Variants in FKBP5 observed in about 807,000 individuals in gnomAD.
FKBP5 encodes the protein FKBP prolyl isomerase 5.
Under a neutral mutation model 50.5 loss-of-function variants are expected in FKBP5, and 23 were observed. The observed-to-expected ratio is 0.46, with a 90% CI of 0.33 to 0.65. FKBP5 has a LOEUF of 0.65. Ranked by LOEUF, FKBP5 falls within the 30% of genes least tolerant of loss-of-function variation. The pLI is 0.02. For synonymous variants in FKBP5, 176 were observed against 190.6 expected (o/e 0.92, Z 0.63); for missense variants, 411 against 553.1 (o/e 0.74, Z 2.58).
Position 35,577,509 on chromosome 6 carries a change from A to C in FKBP5, c.1027-276T>G, listed in dbSNP as rs571558143. Among the ~76,000 whole-genome samples, 14 of 152,318 alleles carry C rather than the reference A, an allele frequency of 9.2e-5. No homozygotes were observed. In the South Asian group the frequency reaches 2.9e-3, roughly 32 times the overall value. ...ATAAGTGCCCAAGAATGGCTGAAAAAATTTGGGAAAAAAGAAAAAAATAAG... is the reference window on the plus strand; with the variant it reads ...ATAAGTGCCCAAGAATGGCTGAAAACATTTGGGAAAAAAGAAAAAAATAAG... On this transcript the variant is annotated intron_variant, in intron 9 of 10. Transcript: ENST00000357266.
intron 8 of FKBP5, chr6:35,582,784 G>C: frequency 1.0e-6 from 1 of 985,280 alleles, no homozygotes; most frequent in Non-Finnish European, 1.2e-6. Flanking sequence ...TTTTCTTTCT[G>C]TCACTGCCTT....
intron 1 of FKBP5, among the ~76,000 whole-genome samples, chr6:35,663,897 T>C (rs1765143521): frequency 6.6e-6 from 1 of 152,216 alleles, no homozygotes; most frequent in African/African-American, 2.4e-5. Flanking sequence ...ATGGATCTCT[T>C]CAATAACCGT....
upstream of FKBP5, among the ~76,000 whole-genome samples, chr6:35,689,342 G>A (rs1195369897): frequency 1.3e-5 from 2 of 152,158 alleles, no homozygotes; most frequent in Non-Finnish European, 2.9e-5. Context: ...CAGGCTGTTT[G>A]TTAGGTCAGC....
intron 8 of FKBP5, chr6:35,583,613 C>A (rs1762511099): frequency 1.0e-6 from 1 of 964,436 alleles, no homozygotes; most frequent in African/African-American, 1.8e-5. Context: ...GGTCTGGAGG[C>A]ATTTTTAGTT....
Position 35,580,016 on chromosome 6 carries a change from C to T in FKBP5, c.1026+20G>A. ...GATCTGGAGTATCTAAAGTCCATCT[C>T]ACAGGAGACACGATGTTACCTTGTC... On this transcript the variant is annotated intron_variant, in intron 9 of 10. Transcript: ENST00000357266. 2 of 1,600,228 alleles carry T rather than the reference C, an allele frequency of 1.2e-6. No homozygotes were observed. Among genetic ancestry groups the T allele is most frequent in the Non-Finnish European group, 1.7e-6 (2 of 1,168,718 alleles).
At chr6:35,603,293 T>C (rs935623489) in intron 5 of FKBP5, among the ~76,000 whole-genome samples, 3 of 152,208 alleles carry the variant, frequency 2.0e-5, no homozygotes, top group African/African-American at 7.2e-5. Flanking sequence ...AGATTAAACA[T>C]GTTTTAGAGC....
At position 35,613,240 on chromosome 6, in the gene FKBP5, A is replaced by C. The variant is rs375402812; in HGVS notation, c.508+5856T>G. On this transcript the variant is annotated intron_variant, in intron 5 of 10. Transcript: ENST00000357266. ...TTATTTATTTATTTTTTTGAGACGG[A>C]GTTTCCCTCTGTCACCCAGGCTGGA... Among the ~76,000 whole-genome samples the C allele has an allele frequency of 2.6e-5, 4 of 152,014 alleles. No homozygotes were observed. In the East Asian group the frequency reaches 7.7e-4, roughly 29 times the overall value.
chr6:35,589,130 T>A (rs11758051), intron 7 of FKBP5, among the ~76,000 whole-genome samples: 52,028 of 112,594 alleles, frequency 0.46, 10,655 homozygotes, highest in East Asian at 0.5. Context: ...ATATATATAT[T>A]TTTTTTTTTT....
chr6:35,578,304 G>C (rs1007273215), intron 9 of FKBP5, among the ~76,000 whole-genome samples: 15 of 152,084 alleles, frequency 9.9e-5, no homozygotes, highest in Admixed American at 5.9e-4. Flanking sequence ...TCTCGCCTCA[G>C]CCTCCGAAAG....
intron 1 of FKBP5, among the ~76,000 whole-genome samples, chr6:35,648,834 A>G (rs1429154789): frequency 6.6e-6 from 1 of 152,164 alleles, no homozygotes; most frequent in Non-Finnish European, 1.5e-5. Flanking sequence ...CTGTAATTCC[A>G]GCTATTCAGG....
intron 2 of FKBP5, among the ~76,000 whole-genome samples, chr6:35,719,472 T>G (rs9348981): frequency 0.27 from 41,102 of 152,138 alleles, 5,929 homozygotes; most frequent in Middle Eastern, 0.44. Context: ...GTGGAATGTA[T>G]GTACATTATA....
chr6:35,687,059 C>T (rs1765847022), intron 1 of FKBP5, among the ~76,000 whole-genome samples: 2 of 152,042 alleles, frequency 1.3e-5, no homozygotes, highest in African/African-American at 4.8e-5. Context: ...CTGTAATTAC[C>T]TAGGCAAATA....
At chr6:35,604,445 T>C (rs1024354421) in intron 5 of FKBP5, among the ~76,000 whole-genome samples, 1 of 152,214 alleles carries the variant, frequency 6.6e-6, no homozygotes, top group African/African-American at 2.4e-5. Flanking sequence ...CCATATTACA[T>C]TATTTTGTGA....
At chr6:35,586,661 C>T (rs1762610081) in intron 8 of FKBP5, 1 of 1,028,822 alleles carries the variant, frequency 9.7e-7, no homozygotes, top group Non-Finnish European at 1.2e-6. Flanking sequence ...TTATGAATTC[C>T]ATTCTTTGCT....
Position 35,605,339 on chromosome 6 carries a change from A to C in FKBP5, c.509-7935T>G, listed in dbSNP as rs564661995. Reference sequence around the variant, plus strand: ...AAAAACCCTCAATAAACTAAGCATCAAAGGAACATACTTCAAAATAATAAG... The same window carrying C: ...AAAAACCCTCAATAAACTAAGCATCCAAGGAACATACTTCAAAATAATAAG... On this transcript the variant is annotated intron_variant, in intron 5 of 10. Transcript: ENST00000357266. Among the ~76,000 whole-genome samples the C allele has an allele frequency of 7.9e-5, 12 of 150,944 alleles. 1 individual carries two copies. Among genetic ancestry groups the C allele is most frequent in the Non-Finnish European group, 1.8e-4 (12 of 67,640 alleles).
At chr6:35,583,287 A>T in intron 8 of FKBP5, 1 of 985,370 alleles carries the variant, frequency 1.0e-6, no homozygotes, top group Non-Finnish European at 1.2e-6. Context: ...CTCCTAATAT[A>T]TTGTATAGGG....
Position 35,615,630 on chromosome 6 carries a change from G to A in FKBP5, c.508+3466C>T, listed in dbSNP as rs535473861. 7.2e-5 allele frequency among the ~76,000 whole-genome samples: 11 copies of A among 152,222 alleles called. No individual in the cohort carries two copies. In the South Asian group the frequency reaches 2.1e-3, roughly 29 times the overall value. On this transcript the variant is annotated intron_variant, in intron 5 of 10. Coordinates refer to ENST00000357266, the MANE Select transcript of FKBP5 (RefSeq NM_004117.4). ...AAATAAACTGAATAAATATACAGTA[G>A]GATTCAAATTAATGTAGAGAGAATA...
At chr6:35,728,095 T>A (rs1766757986) in intron 1 of FKBP5, among the ~76,000 whole-genome samples, 1 of 152,142 alleles carries the variant, frequency 6.6e-6, no homozygotes, top group African/African-American at 2.4e-5. Context: ...CTGGGCCCGC[T>A]GCCAGCGCGC....
At chr6:35,635,567 A>G (rs1764286977) in intron 3 of FKBP5, among the ~76,000 whole-genome samples, 1 of 152,230 alleles carries the variant, frequency 6.6e-6, no homozygotes, top group Admixed American at 6.5e-5. Flanking sequence ...GAGGACTCCA[A>G]AGAACTTGTT....
Sources: gnomAD v4.1 joint callset for allele counts (sites outside exome capture counted in the v4.1 genomes callset) on GRCh38, gnomAD v4.1.1 for gene constraint, MANE v1.5 for transcripts, NCBI Gene and HGNC (gene_info 2026-07-23, HGNC 2026-07-21) for gene names.